XIRP2: variants seen among roughly 807,000 people sequenced by gnomAD.
XIRP2 encodes the protein xin actin binding repeat containing 2.
XIRP2 carries 236 observed loss-of-function variants against 277.0 expected under a neutral mutation model. The observed-to-expected ratio is 0.85, with a 90% CI of 0.77 to 0.95. The LOEUF (loss-of-function observed/expected upper bound fraction) is 0.95. Ranked by LOEUF, XIRP2 falls within the 40% of genes least tolerant of loss-of-function variation. XIRP2 has a pLI of 0.00. For missense variants in XIRP2, 4,640 were observed against 4,157.5 expected, an observed-to-expected ratio of 1.12 and a Z score of -3.19; for synonymous variants, 1,490 against 1,416.5, an observed-to-expected ratio of 1.05 and a Z score of -1.17.
rs566422857 is a variant in XIRP2 at position 167,198,925 on chromosome 2, G to A, written c.563-11810G>A. Among the ~76,000 whole-genome samples the A allele has an allele frequency of 4.6e-5, 7 of 152,266 alleles. No homozygotes were observed. In the South Asian group the frequency reaches 1.5e-3, roughly 32 times the overall value. ...CTGTTCGTGGACTTAGGCAGAGAAA[G>A]CATTTTAAACAAAGACTTGAGATCA... On this transcript the variant is annotated intron_variant, in intron 3 of 10. Transcript: ENST00000409195.
Position 167,259,203 on chromosome 2 carries a change from A to AAACAAC in XIRP2, c.*1388_*1393dup, listed in dbSNP as rs772894433. ...AAGGATGTTAAACCTTGGCATGTTG[A>AAACAAC]AACAACAGAAGCTGCCCGCAATAAT... On this transcript the variant is annotated 3_prime_UTR_variant, in exon 11 of 11. Transcript: ENST00000409195. The AAACAAC allele has an allele frequency of 5.0e-6, 8 of 1,613,532 alleles. No homozygotes were observed. Among genetic ancestry groups the AAACAAC allele is most frequent in the Non-Finnish European group, 6.8e-6 (8 of 1,179,682 alleles).
At chr2:167,096,025 C>A (rs1424772331) in intron 2 of XIRP2, among the ~76,000 whole-genome samples, 1 of 151,362 alleles carries the variant, frequency 6.6e-6, no homozygotes, top group Non-Finnish European at 1.5e-5. Flanking sequence ...AGGCGCCCAC[C>A]ACCACACCCA....
rs142598315 is a variant in XIRP2 at position 167,207,317 on chromosome 2, C to A, written c.563-3418C>A. ...TAATCTGTGCATATCCATAAGAATT[C>A]TTTATCTGATTATATAAATTGTAAA... On this transcript the variant is annotated intron_variant, in intron 3 of 10. Coordinates refer to ENST00000409195, the MANE Select transcript of XIRP2 (RefSeq NM_152381.6). Among the ~76,000 whole-genome samples the A allele has an allele frequency of 8.6e-4, 131 of 152,188 alleles. 2 individuals are homozygous for A. The highest frequency in any genetic ancestry group is 2.9e-3 in the African/African-American group (120 of 41,538).
At chr2:167,134,862 T>C (rs1691496945) in intron 2 of XIRP2, among the ~76,000 whole-genome samples, 1 of 152,136 alleles carries the variant, frequency 6.6e-6, no homozygotes, top group Non-Finnish European at 1.5e-5. Context: ...AGCTTCTAAG[T>C]GAATCACGGT....
At chr2:167,065,523 G>A (rs1689280511) in intron 2 of XIRP2, among the ~76,000 whole-genome samples, 1 of 151,672 alleles carries the variant, frequency 6.6e-6, no homozygotes, top group East Asian at 1.9e-4. Flanking sequence ...TTCCAGTGTA[G>A]TCAAACTTAC....
At chr2:167,058,618 C>T (rs1410817835) in intron 2 of XIRP2, among the ~76,000 whole-genome samples, 1 of 152,160 alleles carries the variant, frequency 6.6e-6, no homozygotes, top group Non-Finnish European at 1.5e-5. Flanking sequence ...CTCCATGTTA[C>T]CTCCCTCCAG....
chr2:167,246,091 G>A lies in XIRP2; in HGVS notation c.4699G>A (p.Ala1567Thr). 3.1e-6 allele frequency: 5 copies of A among 1,613,584 alleles called. No homozygotes were observed. Among genetic ancestry groups the A allele is most frequent in the Non-Finnish European group, 4.2e-6 (5 of 1,179,754 alleles). ...EDLYSQKVIQ[A>T]PGIIIEADEI... Reference sequence around the variant, plus strand: ...TCTCTACTCTCAAAAAGTTATCCAGGCTCCTGGAATCATCATTGAAGCTGA... The same window carrying A: ...TCTCTACTCTCAAAAAGTTATCCAGACTCCTGGAATCATCATTGAAGCTGA... Residue 1567 changes from alanine (A) to threonine (T), a missense_variant, in exon 9 of 11, where the codon GCT (alanine) becomes ACT (threonine). Coordinates refer to ENST00000409195, the MANE Select transcript of XIRP2 (RefSeq NM_152381.6).
intron 2 of XIRP2, among the ~76,000 whole-genome samples, chr2:167,041,718 GAC>G (rs1457717901): frequency 6.6e-6 from 1 of 152,100 alleles, no homozygotes; most frequent in Non-Finnish European, 1.5e-5. Flanking sequence ...ATCTCAGAAA[GAC>G]AGAGACAGAG....
At position 167,259,044 on chromosome 2, in the gene XIRP2, T is replaced by C. The variant is rs1380138488; in HGVS notation, c.*1227T>C. ...GGAAGCCATTCAAAGAGCAAAAATT[T>C]ACACTTTTTCTTTTCTAACACCGTG... On this transcript the variant is annotated 3_prime_UTR_variant, in exon 11 of 11. Coordinates refer to ENST00000409195, the MANE Select transcript of XIRP2 (RefSeq NM_152381.6). The C allele has an allele frequency of 6.2e-7, 1 of 1,610,270 alleles. No individual in the cohort carries two copies. Among genetic ancestry groups the C allele is most frequent in the Admixed American group, 1.7e-5 (1 of 59,624 alleles).
At chr2:167,159,478 T>C (rs1036227626) in intron 3 of XIRP2, among the ~76,000 whole-genome samples, 2 of 149,886 alleles carry the variant, frequency 1.3e-5, no homozygotes, top group Non-Finnish European at 3.0e-5. Flanking sequence ...GATAAAGTCA[T>C]TTAAAATATT....
intron 2 of XIRP2, 137 bp from the exon 3 acceptor site, chr2:167,135,772 T>A: frequency 1.3e-6 from 1 of 788,236 alleles, no homozygotes; most frequent in Admixed American, 3.2e-5. Context: ...ATCAACATTT[T>A]ACCTGAAGCA....
At chr2:167,166,475 T>C (rs572234189) in intron 3 of XIRP2, among the ~76,000 whole-genome samples, 1 of 152,304 alleles carries the variant, frequency 6.6e-6, no homozygotes, top group East Asian at 1.9e-4. Context: ...TTATATACAG[T>C]TGATTGATGG....
intron 2 of XIRP2, among the ~76,000 whole-genome samples, chr2:167,023,420 A>T (rs1157342914): frequency 6.6e-6 from 1 of 151,726 alleles, no homozygotes; most frequent in African/African-American, 2.4e-5. Flanking sequence ...GTTCACTCTG[A>T]TGGTAGTTTC....
At chr2:167,081,837 T>A (rs1249720179) in intron 2 of XIRP2, among the ~76,000 whole-genome samples, 1 of 152,188 alleles carries the variant, frequency 6.6e-6, no homozygotes, top group Non-Finnish European at 1.5e-5. Context: ...GTCAGAGAGC[T>A]CTTAATAAAT....
At chr2:167,081,218 C>T (rs1380245266) in intron 2 of XIRP2, among the ~76,000 whole-genome samples, 3 of 152,134 alleles carry the variant, frequency 2.0e-5, no homozygotes, top group Non-Finnish European at 4.4e-5. Flanking sequence ...ATAATCCCAG[C>T]ACTTTGGGAG....
At chr2:166,979,369 C>CTTTTCTTT (rs1173291393) in intron 2 of XIRP2, among the ~76,000 whole-genome samples, 12 of 108,524 alleles carry the variant, frequency 1.1e-4, no homozygotes, top group South Asian at 3.1e-4. Context: ...CTTTTCTTTT[C>CTTTTCTTT]TTTTTTTTTT....
At chr2:167,045,870 A>G (rs943097462) in intron 2 of XIRP2, among the ~76,000 whole-genome samples, 4 of 152,012 alleles carry the variant, frequency 2.6e-5, no homozygotes, top group African/African-American at 7.2e-5. Context: ...CAACCCAACA[A>G]TCCCATTACA....
intron 2 of XIRP2, among the ~76,000 whole-genome samples, chr2:167,077,894 G>A (rs1205944592): frequency 1.3e-5 from 2 of 152,194 alleles, no homozygotes; most frequent in East Asian, 1.9e-4. Flanking sequence ...AGTATAGTTC[G>A]ACGTTGGGTA....
At chr2:167,252,421 T>A (rs971443635) in intron 9 of XIRP2, among the ~76,000 whole-genome samples, 2 of 152,020 alleles carry the variant, frequency 1.3e-5, no homozygotes, top group Non-Finnish European at 2.9e-5. Context: ...TTTTTATTGA[T>A]CTGTATCTCT....
Sources: gnomAD v4.1 joint callset for allele counts (sites outside exome capture counted in the v4.1 genomes callset) on GRCh38, gnomAD v4.1.1 for gene constraint, MANE v1.5 for transcripts, NCBI Gene and HGNC (gene_info 2026-07-23, HGNC 2026-07-21) for gene names.